C14orf132: variants seen among roughly 807,000 people sequenced by gnomAD.
C14orf132 encodes chromosome 14 open reading frame 132, also known as uncharacterized protein C14orf132.
In C14orf132, 6 loss-of-function variants were observed where a neutral mutation model predicts 5.8. The observed-to-expected ratio is 1.03, with a 90% CI of 0.57 to 2.04. C14orf132 has a LOEUF of 2.04. Among genes scored for constraint, C14orf132 ranks in the 30% most tolerant of loss-of-function variants. The pLI is 0.00. For missense variants in C14orf132, 125 were observed against 115.8 expected (o/e 1.08, Z -0.37); for synonymous variants, 51 against 49.8 (o/e 1.02, Z -0.10).
intron 1 of C14orf132, among the ~76,000 whole-genome samples, chr14:96,066,197 C>G (rs1323106174): frequency 6.6e-6 from 1 of 152,172 alleles, no homozygotes; most frequent in Non-Finnish European, 1.5e-5. Flanking sequence ...TTGTCCCAGT[C>G]CCCTGAATTC....
At chr14:96,045,469 C>T (rs1346168208) in intron 1 of C14orf132, among the ~76,000 whole-genome samples, 1 of 152,092 alleles carries the variant, frequency 6.6e-6, no homozygotes, top group East Asian at 1.9e-4. Flanking sequence ...GTGTATAAGT[C>T]CAGGGAGCCC....
At chr14:96,046,570 C>T (rs567040080) in intron 1 of C14orf132, among the ~76,000 whole-genome samples, 27 of 152,332 alleles carry the variant, frequency 1.8e-4, no homozygotes, top group South Asian at 1.2e-3. Context: ...AAGTAGGTTT[C>T]CTGTGCTTGA....
rs113809618 is a variant in C14orf132 at position 96,056,413 on chromosome 14, A to G, written c.27+16886A>G. ...CTTAGGGAGAGGAGAGTGGTGAGGAACCTCCTCCTTCTCGCTGGGCTCCGC... is the reference window on the plus strand; with the variant it reads ...CTTAGGGAGAGGAGAGTGGTGAGGAGCCTCCTCCTTCTCGCTGGGCTCCGC... On this transcript the variant is annotated intron_variant, in intron 1 of 1. Coordinates refer to ENST00000555004, the MANE Select transcript of C14orf132 (RefSeq NM_001252507.3). Among the ~76,000 whole-genome samples the G allele has an allele frequency of 4.7e-3, 711 of 151,618 alleles. 2 individuals are homozygous for G. The highest frequency in any genetic ancestry group is 8.2e-3 in the Non-Finnish European group (554 of 67,858).
chr14:96,079,764 G>A (rs1429210063), intron 1 of C14orf132, among the ~76,000 whole-genome samples: 2 of 152,102 alleles, frequency 1.3e-5, no homozygotes, highest in Non-Finnish European at 2.9e-5. Context: ...TGATGTGCTA[G>A]GTCCCCCAGA....
chr14:96,039,388 C>G lies in C14orf132; in HGVS notation c.-113C>G, dbSNP rs959763221. 6.5e-6 allele frequency: 7 copies of G among 1,077,906 alleles called. No homozygotes were observed. The African/African-American group carries it at 1.2e-4, about 18-fold the overall frequency. The allele number at this position is 1,077,906 out of a possible 1,614,324, so 66.8% of individuals were successfully genotyped here. A position where few individuals can be genotyped will look rare whatever the true frequency, so the allele number is the denominator to read the frequency against. On this transcript the variant is annotated 5_prime_UTR_variant, in exon 1 of 2. Transcript: ENST00000555004. The surrounding 1 kb of genome is among the most constrained non-coding windows in gnomAD (Gnocchi z 5.3). ...GAAGCCCAGAGACAGCCGAGTGCGC[C>G]GTGCGGTCTCCGGACGCTCGCTGCT...
intron 1 of C14orf132, among the ~76,000 whole-genome samples, chr14:96,076,341 CA>C (rs1887865586): frequency 6.6e-6 from 1 of 152,126 alleles, no homozygotes; most frequent in Non-Finnish European, 1.5e-5. Context: ...AGAGGTTTAT[CA>C]TTGTTATTGA....
intron 1 of C14orf132, among the ~76,000 whole-genome samples, chr14:96,072,683 G>C (rs1420983209): frequency 6.6e-6 from 1 of 152,156 alleles, no homozygotes; most frequent in Non-Finnish European, 1.5e-5. Flanking sequence ...ACACATCCCT[G>C]TCTCTGCTGT....
At chr14:96,062,143 G>A (rs1887377553) in intron 1 of C14orf132, among the ~76,000 whole-genome samples, 1 of 152,116 alleles carries the variant, frequency 6.6e-6, no homozygotes, top group Non-Finnish European at 1.5e-5. Flanking sequence ...AGCTTTTCTT[G>A]TCTGCTCATG....
intron 1 of C14orf132, among the ~76,000 whole-genome samples, chr14:96,062,719 A>G (rs1887396749): frequency 6.6e-6 from 1 of 152,096 alleles, no homozygotes; most frequent in African/African-American, 2.4e-5. Context: ...TTTGCCAAAC[A>G]TTTCAGCAAC....
chr14:96,054,292 C>T (rs1044576235), intron 1 of C14orf132, among the ~76,000 whole-genome samples: 10 of 152,180 alleles, frequency 6.6e-5, no homozygotes, highest in East Asian at 1.9e-4. Context: ...CCTGCCACTG[C>T]GCTGCCGGGG....
intron 1 of C14orf132, among the ~76,000 whole-genome samples, chr14:96,054,610 CTG>C (rs975548873): frequency 9.8e-5 from 15 of 152,320 alleles, no homozygotes; most frequent in African/African-American, 3.4e-4. Context: ...AAAGAACAAA[CTG>C]TGCAGGGCAG....
In C14orf132 at chr14:96,039,660, C is replaced by G. The variant is rs897451167; in HGVS notation, c.27+133C>G. On this transcript the variant is annotated intron_variant, in intron 1 of 1. Coordinates refer to ENST00000555004, the MANE Select transcript of C14orf132 (RefSeq NM_001252507.3). This position sits in a 1 kb window ranked among gnomAD's most constrained non-coding sequence, Gnocchi z 5.3. ...CCGCGTCCCGGTCCTTTGTCCCGAG[C>G]CGGACACCCCCACTTGGTGCACGCG... The G allele has an allele frequency of 4.2e-5, 40 of 942,500 alleles. No homozygotes were observed. Among genetic ancestry groups the G allele is most frequent in the Non-Finnish European group, 5.0e-5 (35 of 699,770 alleles). 58.4% of individuals were successfully genotyped at this position (942,500 alleles called of 1,614,324 possible). A position where few individuals can be genotyped will look rare whatever the true frequency, so the allele number is the denominator to read the frequency against.
intron 1 of C14orf132, among the ~76,000 whole-genome samples, chr14:96,060,747 GCCA>G (rs1053242142): frequency 6.6e-6 from 1 of 152,124 alleles, no homozygotes; most frequent in African/African-American, 2.4e-5. Flanking sequence ...CGTGCCCAGT[GCCA>G]GGGACTCAGC....
At chr14:96,052,900 C>T (rs1887070763) in intron 1 of C14orf132, among the ~76,000 whole-genome samples, 1 of 152,176 alleles carries the variant, frequency 6.6e-6, no homozygotes. Flanking sequence ...GGGTAAGACG[C>T]CGGCTCAAGG....
chr14:96,039,473 G>A lies in C14orf132; in HGVS notation c.-28G>A. The A allele has an allele frequency of 2.0e-6, 3 of 1,498,316 alleles. No individual in the cohort carries two copies. Among genetic ancestry groups the A allele is most frequent in the East Asian group, 2.7e-5 (1 of 37,130 alleles). The allele number at this position is 1,498,316 out of a possible 1,614,324, so 92.8% of individuals were successfully genotyped here. Reference sequence around the variant, plus strand: ...CCCGCAGCGGCAGCGGCAGCAGCGAGGACTCGAGCGCTGGCTGCAGCGACA... The same window carrying A: ...CCCGCAGCGGCAGCGGCAGCAGCGAAGACTCGAGCGCTGGCTGCAGCGACA... On this transcript the variant is annotated 5_prime_UTR_variant, in exon 1 of 2. Transcript: ENST00000555004. The surrounding 1 kb of genome is among the most constrained non-coding windows in gnomAD (Gnocchi z 5.3).
intron 1 of C14orf132, among the ~76,000 whole-genome samples, chr14:96,066,831 A>G (rs1887547231): frequency 6.6e-6 from 1 of 152,202 alleles, no homozygotes; most frequent in Admixed American, 6.5e-5. Flanking sequence ...TAGTAAATAT[A>G]ATGTAATGTA....
chr14:96,063,617 T>G (rs1887428541), intron 1 of C14orf132, among the ~76,000 whole-genome samples: 1 of 152,186 alleles, frequency 6.6e-6, no homozygotes, highest in Admixed American at 6.5e-5. Context: ...CCATGTGGCA[T>G]CCTTTTGAGG....
At chr14:96,084,578 G>A (rs540812749) in intron 1 of C14orf132, among the ~76,000 whole-genome samples, 1 of 152,292 alleles carries the variant, frequency 6.6e-6, no homozygotes, top group Admixed American at 6.5e-5. Flanking sequence ...AAAAACTGTT[G>A]TAATATTCTT....
chr14:96,065,533 C>T (rs1004835298), intron 1 of C14orf132, among the ~76,000 whole-genome samples: 2 of 152,076 alleles, frequency 1.3e-5, no homozygotes, highest in Non-Finnish European at 2.9e-5. Flanking sequence ...CACTTTTATT[C>T]CTTTTGTCCT....
Sources: allele counts gnomAD v4.1 joint callset (sites outside exome capture counted in the v4.1 genomes callset), GRCh38; gene constraint gnomAD v4.1.1; non-coding constraint Gnocchi (gnomAD v3.1); transcripts MANE v1.5; gene names NCBI Gene and HGNC (gene_info 2026-07-23, HGNC 2026-07-21).